MRLN: variants seen among roughly 807,000 people sequenced by gnomAD.
MRLN encodes the protein myoregulin.
chr10:59,750,728 T>C (rs1034152205), intron 1 of MRLN, among the ~76,000 whole-genome samples: 8 of 152,244 alleles, frequency 5.3e-5, no homozygotes, highest in African/African-American at 1.9e-4. Flanking sequence ...GATGCACTTT[T>C]ACAAAGCCGG....
chr10:59,744,460 G>A (rs1045557844), intron 1 of MRLN, among the ~76,000 whole-genome samples: 8 of 149,774 alleles, frequency 5.3e-5, no homozygotes, highest in Non-Finnish European at 7.4e-5. Flanking sequence ...GAGCAGCCGC[G>A]CCCGGCCAGC....
At chr10:59,743,147 G>A (rs1841002596) in intron 1 of MRLN, among the ~76,000 whole-genome samples, 1 of 152,124 alleles carries the variant, frequency 6.6e-6, no homozygotes, top group African/African-American at 2.4e-5. Flanking sequence ...AGTTTGGGTG[G>A]AAGGAATTTG....
intron 1 of MRLN, among the ~76,000 whole-genome samples, chr10:59,750,381 CT>C (rs1841089336): frequency 6.6e-6 from 1 of 152,142 alleles, no homozygotes; most frequent in Non-Finnish European, 1.5e-5. Flanking sequence ...CACTTGCTTT[CT>C]TTTTAGGTCA....
intron 1 of MRLN, among the ~76,000 whole-genome samples, chr10:59,746,342 G>A (rs1841044010): frequency 6.6e-6 from 1 of 152,114 alleles, no homozygotes; most frequent in South Asian, 2.1e-4. Flanking sequence ...ACCATTTATT[G>A]AGGGTCTATT....
Position 59,746,856 on chromosome 10 carries a change from G to A in MRLN, c.-125+6498C>T, listed in dbSNP as rs549163752. On this transcript the variant is annotated intron_variant, in intron 1 of 2. Coordinates refer to ENST00000414264, the MANE Select transcript of MRLN (RefSeq NM_001304731.2). ...TGCCCAGGCTGGAGTCCAATGGCAC[G>A]ATGTCGGCTCACTGCACACTGCAGC... is the stretch of plus-strand genomic sequence containing the variant. Among the ~76,000 whole-genome samples, 12 of 152,288 alleles carry A rather than the reference G, an allele frequency of 7.9e-5. No individual in the cohort carries two copies. The South Asian group carries it at 2.5e-3, about 32-fold the overall frequency.
chr10:59,744,602 G>C (rs894308386), intron 1 of MRLN, among the ~76,000 whole-genome samples: 1 of 152,208 alleles, frequency 6.6e-6, no homozygotes, highest in Admixed American at 6.5e-5. Context: ...CACCCGGTCT[G>C]GGAGGTGTAC....
At chr10:59,742,993 G>A (rs950879237) in intron 1 of MRLN, among the ~76,000 whole-genome samples, 1 of 152,116 alleles carries the variant, frequency 6.6e-6, no homozygotes, top group South Asian at 2.1e-4. Flanking sequence ...GCCTCCCAAA[G>A]TGGTGGGATT....
intron 1 of MRLN, among the ~76,000 whole-genome samples, chr10:59,745,924 AAAC>A (rs1410530149): frequency 2.6e-5 from 4 of 152,154 alleles, no homozygotes; most frequent in Non-Finnish European, 2.9e-5. Flanking sequence ...ACAAAAAAAC[AAAC>A]AACAACAAAA....
At chr10:59,747,488 TA>T (rs1411854288) in intron 1 of MRLN, among the ~76,000 whole-genome samples, 1 of 152,246 alleles carries the variant, frequency 6.6e-6, no homozygotes, top group Non-Finnish European at 1.5e-5. Flanking sequence ...TGTCTATTAT[TA>T]ATTACAGTTT....
intron 1 of MRLN, among the ~76,000 whole-genome samples, chr10:59,742,116 C>T (rs1840990303): frequency 6.6e-6 from 1 of 152,172 alleles, no homozygotes; most frequent in African/African-American, 2.4e-5. Context: ...GAATGCATGG[C>T]TATCTGCCTA....
chr10:59,751,432 C>T (rs994451399), intron 1 of MRLN, among the ~76,000 whole-genome samples: 10 of 151,788 alleles, frequency 6.6e-5, no homozygotes, highest in African/African-American at 9.7e-5. Context: ...GAGACCAAGG[C>T]GGTGGTTCAC....
intron 1 of MRLN, among the ~76,000 whole-genome samples, chr10:59,740,971 T>A (rs1428407280): frequency 6.6e-6 from 1 of 152,076 alleles, no homozygotes; most frequent in African/African-American, 2.4e-5. Flanking sequence ...CTGATTTTTG[T>A]ATTTTTAGTA....
At position 59,736,919 on chromosome 10, in the gene MRLN, T is replaced by C. The variant is rs1377078150; in HGVS notation, c.*141A>G. ...CCATAAAGAACTAAACAATACACAA[T>C]GTTGTTTGTATTGCAGTGTCCTGTT... is the stretch of plus-strand genomic sequence containing the variant. On this transcript the variant is annotated 3_prime_UTR_variant, in exon 3 of 3. Transcript: ENST00000414264. 1 of 357,168 alleles carries C rather than the reference T, an allele frequency of 2.8e-6. No individual in the cohort carries two copies. The allele number at this position is 357,168 out of a possible 1,614,324, so 22.1% of individuals were successfully genotyped here.
chr10:59,739,228 GT>G (rs1840956147), intron 1 of MRLN: 1 of 152,166 alleles, frequency 6.6e-6, no homozygotes, highest in Admixed American at 6.5e-5. Flanking sequence ...AAAAGCCTTC[GT>G]ATGTAAGTGA....
intron 1 of MRLN, among the ~76,000 whole-genome samples, chr10:59,740,360 T>C (rs1441765482): frequency 6.6e-6 from 1 of 152,206 alleles, no homozygotes; most frequent in Non-Finnish European, 1.5e-5. Context: ...CTTGTCCTTA[T>C]CTTTTTAAAA....
At chr10:59,739,431 A>G (rs1158480407) in intron 1 of MRLN, 1 of 152,256 alleles carries the variant, frequency 6.6e-6, no homozygotes, top group Non-Finnish European at 1.5e-5. Context: ...GCTGTAAATC[A>G]TCTCCATACG....
intron 1 of MRLN, among the ~76,000 whole-genome samples, chr10:59,749,919 G>A (rs1027669898): frequency 6.6e-6 from 1 of 151,938 alleles, no homozygotes; most frequent in African/African-American, 2.4e-5. Context: ...TGAGCAGCAG[G>A]GTGTTGGCTC....
chr10:59,746,594 G>C (rs1841046200), intron 1 of MRLN, among the ~76,000 whole-genome samples: 2 of 152,172 alleles, frequency 1.3e-5, no homozygotes, highest in Non-Finnish European at 2.9e-5. Flanking sequence ...CTTCAGTCCT[G>C]GATCCTTTCT....
At chr10:59,741,025 T>C (rs1352888853) in intron 1 of MRLN, among the ~76,000 whole-genome samples, 1 of 152,118 alleles carries the variant, frequency 6.6e-6, no homozygotes, top group Admixed American at 6.5e-5. Context: ...CTTGAGCTCC[T>C]CCCCTGAGGT....
Sources: gnomAD v4.1 joint callset for allele counts (sites outside exome capture counted in the v4.1 genomes callset) on GRCh38, gnomAD v4.1.1 for gene constraint, MANE v1.5 for transcripts, NCBI Gene and HGNC (gene_info 2026-07-23, HGNC 2026-07-21) for gene names.